Variants in PEMT observed in about 807,000 individuals in gnomAD.
The protein encoded by PEMT is phospholipid methyltransferase.
PEMT carries 23 observed loss-of-function variants against 27.4 expected under a neutral mutation model. The observed-to-expected ratio is 0.84, with a 90% CI of 0.60 to 1.19. PEMT has a LOEUF of 1.19. Ranked by LOEUF, PEMT falls within the 50% of genes most tolerant of loss-of-function variation. PEMT has a pLI of 0.00. For synonymous variants in PEMT, 137 were observed against 139.1 expected (o/e 0.98, Z 0.11); for missense variants, 307 against 310.1 (o/e 0.99, Z 0.07).
chr17:17,535,195 C>T (rs562997047), intron 2 of PEMT, among the ~76,000 whole-genome samples: 1 of 152,188 alleles, frequency 6.6e-6, no homozygotes, highest in South Asian at 2.1e-4. Context: ...CAGGCTGAAC[C>T]ACCACGTCTG....
intron 2 of PEMT, among the ~76,000 whole-genome samples, chr17:17,522,650 C>A (rs950512429): frequency 1.3e-5 from 2 of 152,168 alleles, no homozygotes; most frequent in Non-Finnish European, 2.9e-5. Flanking sequence ...ACTCTTCAAC[C>A]AGACACAGCC....
At chr17:17,511,429 G>T (rs1213626634) in intron 4 of PEMT, among the ~76,000 whole-genome samples, 1 of 152,232 alleles carries the variant, frequency 6.6e-6, no homozygotes, top group African/African-American at 2.4e-5. Context: ...CCCTCGGGGG[G>T]ACCCCTACTG....
Position 17,586,271 on chromosome 17 carries a change from AGAAAGAAAGAAAGAAAG to A in PEMT, c.96+5243_96+5259del, listed in dbSNP as rs1379275110. On this transcript the variant is annotated intron_variant, in intron 1 of 6. Coordinates refer to ENST00000255389, the MANE Select transcript of PEMT (RefSeq NM_148172.3). Reference sequence around the variant, plus strand: ...AAGAAAGAAAGAAAGAAAGAAAGAAAGAAAGAAAGAAAGAAAGAAAAAAAAAAACGCAGGTGGAAAAT... The same window carrying A: ...AAGAAAGAAAGAAAGAAAGAAAGAAAAAAAAAAAAAACGCAGGTGGAAAAT... Among the ~76,000 whole-genome samples, 102 of 117,302 alleles carry A rather than the reference AGAAAGAAAGAAAGAAAG, an allele frequency of 8.7e-4. 2 individuals are homozygous for A. The highest frequency in any genetic ancestry group is 1.2e-3 in the Non-Finnish European group (72 of 59,486). The allele number at this position is 117,302 out of a possible 152,430, so 77.0% of individuals were successfully genotyped here.
At chr17:17,517,791 T>C (rs1906951492) in intron 3 of PEMT, among the ~76,000 whole-genome samples, 1 of 151,914 alleles carries the variant, frequency 6.6e-6, no homozygotes, top group South Asian at 2.1e-4. Context: ...AGCCTGTGAG[T>C]GGGGGCCGCC....
rs1280892002 is a variant in PEMT, at chr17:17,561,395, T to C, written c.204+15525A>G. Among the ~76,000 whole-genome samples, 12 of 152,154 alleles carry C rather than the reference T, an allele frequency of 7.9e-5. No homozygotes were observed. Among genetic ancestry groups the C allele is most frequent in the Non-Finnish European group, 1.5e-4 (10 of 68,026 alleles). On this transcript the variant is annotated intron_variant, in intron 2 of 6. Coordinates refer to ENST00000255389, the MANE Select transcript of PEMT (RefSeq NM_148172.3). The surrounding 1 kb of genome is among the most constrained non-coding windows in gnomAD (Gnocchi z 4.5). The stretch of plus-strand genomic sequence containing the variant: ...CTGCAAGCTGGAAGCTAAGTCCCCC[T>C]GAGTCCCTGCCTGAGCCCAACCTGA...
chr17:17,513,423 C>G lies in PEMT; in HGVS notation c.321-769G>C, dbSNP rs968960852. On this transcript the variant is annotated intron_variant, in intron 3 of 6. Coordinates refer to ENST00000255389, the MANE Select transcript of PEMT (RefSeq NM_148172.3). The surrounding 1 kb of genome is among the most constrained non-coding windows in gnomAD (Gnocchi z 4.1). Reference sequence around the variant, plus strand: ...ACCAGCCTGGCCAACATGGTGAAACCCTGTCTCTACCCAAAATACAAAAAT... The same window carrying G: ...ACCAGCCTGGCCAACATGGTGAAACGCTGTCTCTACCCAAAATACAAAAAT... 6.6e-6 allele frequency among the ~76,000 whole-genome samples: 1 copy of G among 152,080 alleles called. No homozygotes were observed. The highest frequency in any genetic ancestry group is 1.5e-5 in the Non-Finnish European group (1 of 68,024).
rs185292073 is a variant in PEMT, at chr17:17,585,811, G to A, written c.96+5720C>T. On this transcript the variant is annotated intron_variant, in intron 1 of 6. Coordinates refer to ENST00000255389, the MANE Select transcript of PEMT (RefSeq NM_148172.3). ...ACCAAAAATTTGTCGGGCCGGGCGC[G>A]GTGAGTCATGCCTGTAATCCCAGCA... Among the ~76,000 whole-genome samples, 129 of 152,098 alleles carry A rather than the reference G, an allele frequency of 8.5e-4. 1 individual carries two copies. Among genetic ancestry groups the A allele is most frequent in the Non-Finnish European group, 7.4e-4 (50 of 68,012 alleles).
At chr17:17,580,026 C>G (rs767340835) in intron 1 of PEMT, among the ~76,000 whole-genome samples, 4 of 152,182 alleles carry the variant, frequency 2.6e-5, no homozygotes, top group African/African-American at 4.8e-5. Context: ...AGAGCAGACA[C>G]TGGCCGCTCA....
At chr17:17,579,393 C>G (rs1325834237) in intron 1 of PEMT, among the ~76,000 whole-genome samples, 1 of 152,200 alleles carries the variant, frequency 6.6e-6, no homozygotes, top group Non-Finnish European at 1.5e-5. Flanking sequence ...GTTAAATGCT[C>G]TAGGCCGGGC....
intron 6 of PEMT, 74 bp from the exon 7 acceptor site, chr17:17,505,922 T>C: frequency 2.0e-6 from 3 of 1,511,586 alleles, no homozygotes; most frequent in Non-Finnish European, 2.7e-6. Context: ...GAGCTCTGCG[T>C]CCATCAGCTT....
At chr17:17,533,525 ATG>A (rs1330339880) in intron 2 of PEMT, among the ~76,000 whole-genome samples, 1 of 152,262 alleles carries the variant, frequency 6.6e-6, no homozygotes, top group Non-Finnish European at 1.5e-5. Context: ...TGATTCTATC[ATG>A]AAAATACAAA....
chr17:17,567,001 G>C (rs1041213977), intron 2 of PEMT, among the ~76,000 whole-genome samples: 1 of 152,230 alleles, frequency 6.6e-6, no homozygotes, highest in Admixed American at 6.5e-5. Flanking sequence ...GCTGCCTTTC[G>C]GTTAGGGTGA....
intron 2 of PEMT, among the ~76,000 whole-genome samples, chr17:17,539,763 G>A (rs1205855546): frequency 6.6e-6 from 1 of 152,220 alleles, no homozygotes; most frequent in Non-Finnish European, 1.5e-5. Flanking sequence ...GCACAGCCCT[G>A]CAGCTGAGAA....
At chr17:17,505,955 G>T in intron 6 of PEMT, 107 bp from the exon 7 acceptor site, 1 of 1,433,666 alleles carries the variant, frequency 7.0e-7, no homozygotes. Flanking sequence ...ATGGGACCGG[G>T]ATCCCCTTCA....
Position 17,567,023 on chromosome 17 carries a change from C to T in PEMT, c.204+9897G>A, listed in dbSNP as rs1427719425. On this transcript the variant is annotated intron_variant, in intron 2 of 6. Coordinates refer to ENST00000255389, the MANE Select transcript of PEMT (RefSeq NM_148172.3). ...TTCGGTTAGGGTGATTCTGCTCACA[C>T]TAGCAGTGTCCAATAGCCTTCATCA... Among the ~76,000 whole-genome samples, 5 of 152,242 alleles carry T rather than the reference C, an allele frequency of 3.3e-5. No homozygotes were observed. In the East Asian group the frequency reaches 9.6e-4, roughly 29 times the overall value.
chr17:17,507,108 T>C, intron 5 of PEMT: 1 of 1,525,046 alleles, frequency 6.6e-7, no homozygotes, highest in Admixed American at 2.0e-5. Flanking sequence ...CGGGCGCAGC[T>C]GCTTTGGGTT....
intron 2 of PEMT, among the ~76,000 whole-genome samples, chr17:17,556,749 A>T (rs888133680): frequency 1.3e-5 from 2 of 152,186 alleles, no homozygotes; most frequent in African/African-American, 4.8e-5. Flanking sequence ...GAGAGGCCAC[A>T]TGAGCCACTC....
At chr17:17,581,006 T>A (rs1298563294) in intron 1 of PEMT, among the ~76,000 whole-genome samples, 1 of 151,846 alleles carries the variant, frequency 6.6e-6, no homozygotes, top group East Asian at 1.9e-4. Context: ...CCCGCTCAGC[T>A]AGGGGAAAGG....
chr17:17,526,264 A>C (rs1001912664), intron 2 of PEMT, among the ~76,000 whole-genome samples: 1 of 152,086 alleles, frequency 6.6e-6, no homozygotes, highest in Non-Finnish European at 1.5e-5. Flanking sequence ...GGCAGAAGAG[A>C]CAGGCCCAAG....
Sources: allele counts gnomAD v4.1 joint callset (sites outside exome capture counted in the v4.1 genomes callset), GRCh38; gene constraint gnomAD v4.1.1; non-coding constraint Gnocchi (gnomAD v3.1); transcripts MANE v1.5; gene names NCBI Gene and HGNC (gene_info 2026-07-23, HGNC 2026-07-21).